Variants in TLL1 observed in about 807,000 individuals in gnomAD.
TLL1 encodes tolloid-like protein 1.
A neutral mutation model predicts 128.2 loss-of-function variants in TLL1; 49 were observed. The observed-to-expected ratio is 0.38, with a 90% CI of 0.30 to 0.48. TLL1 has a LOEUF of 0.48. Among genes scored for constraint, TLL1 ranks in the 20% least tolerant of loss-of-function variants. The pLI, the probability that TLL1 is intolerant of heterozygous loss-of-function variation, is 0.96. For synonymous variants in TLL1, 454 were observed against 418.8 expected, an observed-to-expected ratio of 1.08 and a Z score of -1.03; for missense variants, 1,123 against 1,242.0, an observed-to-expected ratio of 0.90 and a Z score of 1.44.
chr4:165,931,501 G>A (rs550860260), intron 1 of TLL1, among the ~76,000 whole-genome samples: 19 of 150,438 alleles, frequency 1.3e-4, no homozygotes, highest in African/African-American at 4.2e-4. Context: ...GGCGGATCAC[G>A]AGGTCAGGAG....
In TLL1 at chr4:166,003,372, A is replaced by G; in HGVS notation, c.633-19A>G. ...GCACCACCTTTCCACCACCATCTCC[A>G]CTTTCTCTTTTATTCCAGATGCTGC... On this transcript the variant is annotated intron_variant, in intron 5 of 20. Coordinates refer to ENST00000061240, the MANE Select transcript of TLL1 (RefSeq NM_012464.5). 1 of 1,613,490 alleles carries G rather than the reference A, an allele frequency of 6.2e-7. No individual in the cohort carries two copies.
Position 166,102,542 on chromosome 4 carries a change from A to C in TLL1, c.*1666A>C, listed in dbSNP as rs1317739845. The C allele has an allele frequency of 3.3e-5, 5 of 152,306 alleles. No individual in the cohort carries two copies. The highest frequency in any genetic ancestry group is 1.2e-4 in the African/African-American group (5 of 41,414). 9.4% of individuals were successfully genotyped at this position (152,306 alleles called of 1,614,324 possible). A position where few individuals can be genotyped will look rare whatever the true frequency, so the allele number is the denominator to read the frequency against. On this transcript the variant is annotated 3_prime_UTR_variant, in exon 21 of 21. Coordinates refer to ENST00000061240, the MANE Select transcript of TLL1 (RefSeq NM_012464.5). ...AATTTTGATCAATCCCATTAAAAAAAGGCTCTTTCCTTTAGAGAAACTCTA... is the reference window on the plus strand; with the variant it reads ...AATTTTGATCAATCCCATTAAAAAACGGCTCTTTCCTTTAGAGAAACTCTA...
chr4:165,987,790 T>A (rs1736455860), intron 1 of TLL1, among the ~76,000 whole-genome samples: 1 of 152,074 alleles, frequency 6.6e-6, no homozygotes, highest in South Asian at 2.1e-4. Flanking sequence ...CCTAAAACAT[T>A]GCACAGCTTT....
rs1731881918 is a variant in TLL1, at chr4:165,899,818, G to A, written c.169+25745G>A. ...CGTTGATCTGTCTAATATTGACAGT[G>A]GGTGTTAAAGTCTCCCACTGTCATT... is the stretch of plus-strand genomic sequence containing the variant. On this transcript the variant is annotated intron_variant, in intron 1 of 20. Transcript: ENST00000061240. Among the ~76,000 whole-genome samples the A allele has an allele frequency of 2.0e-5, 3 of 152,178 alleles. No homozygotes were observed. In the South Asian group the frequency reaches 6.2e-4, roughly 32 times the overall value.
At chr4:165,881,261 A>G (rs1730954762) in intron 1 of TLL1, among the ~76,000 whole-genome samples, 1 of 152,202 alleles carries the variant, frequency 6.6e-6, no homozygotes, top group South Asian at 2.1e-4. Context: ...CATATCTAGG[A>G]AGTCTCTTCA....
At chr4:166,015,739 A>T (rs1737907211) in intron 8 of TLL1, among the ~76,000 whole-genome samples, 1 of 151,930 alleles carries the variant, frequency 6.6e-6, no homozygotes, top group African/African-American at 2.4e-5. Context: ...ATAATTCTGT[A>T]TGTGATGGTA....
In TLL1 at chr4:165,873,684, C is replaced by A; in HGVS notation, c.-221C>A. On this transcript the variant is annotated 5_prime_UTR_variant, in exon 1 of 21. Coordinates refer to ENST00000061240, the MANE Select transcript of TLL1 (RefSeq NM_012464.5). ...CTGCCCTCCGCCCACCCGTGGGCCC[C>A]TAGCCAACTTCTCCCTGCGACTGGG... is the stretch of plus-strand genomic sequence containing the variant. The A allele has an allele frequency of 1.8e-6, 1 of 547,216 alleles. No homozygotes were observed. The highest frequency in any genetic ancestry group is 3.1e-5 in the Admixed American group (1 of 31,910). 33.9% of individuals were successfully genotyped at this position (547,216 alleles called of 1,614,324 possible). A position where few individuals can be genotyped will look rare whatever the true frequency, so the allele number is the denominator to read the frequency against.
intron 1 of TLL1, among the ~76,000 whole-genome samples, chr4:165,934,667 C>A (rs1733687303): frequency 6.6e-6 from 1 of 152,154 alleles, no homozygotes; most frequent in South Asian, 2.1e-4. Context: ...GTACCACGTT[C>A]TTTCTTTAAC....
chr4:166,026,667 A>T (rs1443775838), intron 9 of TLL1, among the ~76,000 whole-genome samples: 1 of 152,096 alleles, frequency 6.6e-6, no homozygotes, highest in East Asian at 1.9e-4. Context: ...AGCCTGGACG[A>T]TAAGAGCGAA....
chr4:166,097,884 A>G (rs1579741386), intron 19 of TLL1, among the ~76,000 whole-genome samples: 1 of 152,220 alleles, frequency 6.6e-6, no homozygotes, highest in East Asian at 1.9e-4. Context: ...AACTCTTTCA[A>G]TCCTTGACAA....
At chr4:165,933,291 T>C (rs1340116807) in intron 1 of TLL1, among the ~76,000 whole-genome samples, 2 of 152,130 alleles carry the variant, frequency 1.3e-5, no homozygotes, top group Admixed American at 6.6e-5. Context: ...TGTGACATCA[T>C]GGTCTTGTGG....
In TLL1 at chr4:166,003,430, G is replaced by A. The variant is rs1302171088; in HGVS notation, c.672G>A (p.Gln224=). 6.2e-7 allele frequency: 1 copy of A among 1,613,982 alleles called. No homozygotes were observed. ...TAGGTCGGCGAGGAAATGGACCTCAGGCAATCTCTATCGGCAAGAACTGTG... is the reference window on the plus strand; with the variant it reads ...TAGGTCGGCGAGGAAATGGACCTCAAGCAATCTCTATCGGCAAGAACTGTG... The part of the protein sequence containing the change: ...SYVGRRGNGP[Q]AISIGKNCDK... The change falls in exon 6 of 21, where the codon CAG becomes CAA. Residue 224 remains glutamine (Q), a synonymous_variant. Coordinates refer to ENST00000061240, the MANE Select transcript of TLL1 (RefSeq NM_012464.5).
In TLL1 at chr4:166,008,015, G is replaced by GT; in HGVS notation, c.885dup (p.Ile296TyrfsTer23). The GT allele has an allele frequency of 6.2e-7, 1 of 1,609,814 alleles. No homozygotes were observed. On this transcript the variant is annotated frameshift_variant, in exon 7 of 21. Coordinates refer to ENST00000061240, the MANE Select transcript of TLL1 (RefSeq NM_012464.5). LOFTEE classifies it high-confidence loss of function. ...CTTGGAGAAAGATATGATTTCGACA[G>GT]TATCATGCACTATGCCAGGAACACC...
intron 1 of TLL1, among the ~76,000 whole-genome samples, chr4:165,919,260 G>A (rs143107324): frequency 1.2e-4 from 18 of 151,592 alleles, no homozygotes; most frequent in African/African-American, 4.4e-4. Context: ...GTGTGCACCT[G>A]TAGTCCCAAC....
At chr4:165,900,088 T>C (rs1731903876) in intron 1 of TLL1, among the ~76,000 whole-genome samples, 2 of 150,720 alleles carry the variant, frequency 1.3e-5, no homozygotes, top group Non-Finnish European at 2.9e-5. Context: ...ATTTGCTTGG[T>C]AAATATTCCT....
intron 1 of TLL1, among the ~76,000 whole-genome samples, chr4:165,876,069 G>T (rs1730710508): frequency 6.6e-6 from 1 of 152,172 alleles, no homozygotes; most frequent in Non-Finnish European, 1.5e-5. Flanking sequence ...GCATACCAGT[G>T]CACACCTGTG....
intron 16 of TLL1, among the ~76,000 whole-genome samples, chr4:166,072,779 CATT>C (rs759781058): frequency 2.7e-4 from 41 of 151,914 alleles, no homozygotes; most frequent in Non-Finnish European, 7.4e-5. Context: ...TGTATTTTAA[CATT>C]GTTGTATGTT....
At chr4:166,009,009 T>C (rs892685135) in intron 7 of TLL1, among the ~76,000 whole-genome samples, 1 of 151,532 alleles carries the variant, frequency 6.6e-6, no homozygotes, top group African/African-American at 2.4e-5. Context: ...CAAAGTTTAT[T>C]ATTTAAAAAA....
At position 166,093,545 on chromosome 4, in the gene TLL1, A is replaced by G. The variant is rs542029248; in HGVS notation, c.2656+2204A>G. 3.9e-5 allele frequency among the ~76,000 whole-genome samples: 6 copies of G among 152,314 alleles called. No individual in the cohort carries two copies. In the South Asian group the frequency reaches 1.2e-3, roughly 32 times the overall value. On this transcript the variant is annotated intron_variant, in intron 19 of 20. Coordinates refer to ENST00000061240, the MANE Select transcript of TLL1 (RefSeq NM_012464.5). ...GTACAATCGGGTTTTATATCAAGAC[A>G]TTCAGTTCCCAGGGGCAGGCAGGAG...
Sources: allele counts gnomAD v4.1 joint callset (sites outside exome capture counted in the v4.1 genomes callset), GRCh38; gene constraint gnomAD v4.1.1; transcripts MANE v1.5; gene names NCBI Gene and HGNC (gene_info 2026-07-23, HGNC 2026-07-21).